ANKRD11: variants seen among roughly 807,000 people sequenced by gnomAD.
The protein encoded by ANKRD11 is ankyrin repeat domain-containing protein 11.
A neutral mutation model predicts 195.7 loss-of-function variants in ANKRD11; 17 were observed. The observed-to-expected ratio is 0.09, with a 90% CI of 0.06 to 0.13. The LOEUF is 0.13. Among genes scored for constraint, ANKRD11 ranks in the 10% least tolerant of loss-of-function variants. ANKRD11 has a pLI of 1.00. For missense variants in ANKRD11, 3,735 were observed against 3,566.1 expected (o/e 1.05, Z -1.21); for synonymous variants, 1,953 against 1,528.1 (o/e 1.28, Z -6.49).
Position 89,432,944 on chromosome 16 carries a change from A to ATCTCTCTC in ANKRD11, c.-144-14584_-144-14577dup, listed in dbSNP as rs56770747. On this transcript the variant is annotated intron_variant, in intron 1 of 12. Coordinates refer to ENST00000301030, the MANE Select transcript of ANKRD11 (RefSeq NM_013275.6). The stretch of plus-strand genomic sequence containing the variant: ...TCCAGCCATGGGTGACAGAGACCCT[A>ATCTCTCTC]TCTCTCTCTCTCTCTCTCTCTCTCT... Among the ~76,000 whole-genome samples the ATCTCTCTC allele has an allele frequency of 2.1e-3, 223 of 108,722 alleles. 2 individuals carry two copies. The highest frequency in any genetic ancestry group is 4.7e-3 in the African/African-American group (122 of 25,920). 71.3% of individuals were successfully genotyped at this position (108,722 alleles called of 152,430 possible). A position where few individuals can be genotyped will look rare whatever the true frequency, so the allele number is the denominator to read the frequency against.
chr16:89,352,103 T>C (rs994778711), intron 2 of ANKRD11, among the ~76,000 whole-genome samples: 1 of 151,462 alleles, frequency 6.6e-6, no homozygotes, highest in Non-Finnish European at 1.5e-5. Context: ...GTTGGTCAGA[T>C]TGGTCTCAAA....
rs189232746 is a variant in ANKRD11 at position 89,458,248 on chromosome 16, G to A, written c.-145+31997C>T. 7.7e-4 allele frequency among the ~76,000 whole-genome samples: 115 copies of A among 149,724 alleles called. 1 individual carries two copies. Among genetic ancestry groups the A allele is most frequent in the Middle Eastern group, 3.4e-3 (1 of 294 alleles). ...TTCATTTCTTTTTTTTTTTTGAGAC[G>A]GAATCTCACTGTGTCACCCAGGTTG... On this transcript the variant is annotated intron_variant, in intron 1 of 12. Coordinates refer to ENST00000301030, the MANE Select transcript of ANKRD11 (RefSeq NM_013275.6).
intron 2 of ANKRD11, among the ~76,000 whole-genome samples, chr16:89,326,832 A>AT (rs1403370948): frequency 6.6e-6 from 1 of 152,210 alleles, no homozygotes; most frequent in African/African-American, 2.4e-5. Context: ...CTCCTAAGAA[A>AT]GGGGCTTAAC....
At chr16:89,306,916 C>T (rs72803323) in intron 3 of ANKRD11, among the ~76,000 whole-genome samples, 3,985 of 152,082 alleles carry the variant, frequency 0.026, 76 homozygotes, top group East Asian at 0.04. Flanking sequence ...TCCGCAGACA[C>T]GTGCGCTACC....
chr16:89,448,809 G>C (rs138828097), intron 1 of ANKRD11, among the ~76,000 whole-genome samples: 1 of 152,104 alleles, frequency 6.6e-6, no homozygotes, highest in Non-Finnish European at 1.5e-5. Flanking sequence ...CCCGTCCACC[G>C]GAGCGCACGT....
intron 1 of ANKRD11, among the ~76,000 whole-genome samples, chr16:89,453,638 A>G (rs1285399364): frequency 6.6e-6 from 1 of 152,190 alleles, no homozygotes; most frequent in Non-Finnish European, 1.5e-5. Flanking sequence ...AAAAGCACAA[A>G]GCATCTGTTC....
At chr16:89,415,173 C>T (rs916760383) in intron 2 of ANKRD11, among the ~76,000 whole-genome samples, 1 of 151,402 alleles carries the variant, frequency 6.6e-6, no homozygotes, top group South Asian at 2.1e-4. Flanking sequence ...AGGCTGGTCT[C>T]GCACTCCTGA....
intron 7 of ANKRD11, 121 bp downstream of exon 7, chr16:89,288,384 AGCTCGGCCTTGAGGGTGGGCAAG>A: frequency 7.6e-7 from 1 of 1,315,642 alleles, no homozygotes; most frequent in Non-Finnish European, 1.1e-6. Context: ...CAGAGGGCAC[AGCTCGGCCTTGAGGGTGGGCAAG>A]GCGAAAACTC....
chr16:89,336,308 G>A (rs1297948021), intron 2 of ANKRD11, among the ~76,000 whole-genome samples: 2 of 152,214 alleles, frequency 1.3e-5, no homozygotes, highest in African/African-American at 2.4e-5. Context: ...ATGCACACAC[G>A]CCAGGGCACG....
chr16:89,470,452 A>G, intron 1 of ANKRD11, among the ~76,000 whole-genome samples: 1 of 152,176 alleles, frequency 6.6e-6, no homozygotes, highest in East Asian at 1.9e-4. Flanking sequence ...AGAGGCAGCC[A>G]TGGGTGTTTT....
intron 2 of ANKRD11, among the ~76,000 whole-genome samples, chr16:89,400,938 C>T (rs937126326): frequency 3.3e-5 from 5 of 152,194 alleles, no homozygotes; most frequent in Admixed American, 2.0e-4. Flanking sequence ...CCACCCTGCT[C>T]GGGTTCACAG....
At chr16:89,371,430 G>A (rs1437241185) in intron 2 of ANKRD11, among the ~76,000 whole-genome samples, 1 of 152,234 alleles carries the variant, frequency 6.6e-6, no homozygotes, top group Non-Finnish European at 1.5e-5. Context: ...GCTGCTCGGT[G>A]CATGGAGGCC....
intron 4 of ANKRD11, among the ~76,000 whole-genome samples, chr16:89,301,844 C>T (rs1010258694): frequency 2.0e-5 from 3 of 152,182 alleles, no homozygotes; most frequent in Non-Finnish European, 4.4e-5. Flanking sequence ...CACTGGACCG[C>T]GGGCAGGGCC....
At chr16:89,327,621 G>T (rs1398535208) in intron 2 of ANKRD11, among the ~76,000 whole-genome samples, 1 of 152,124 alleles carries the variant, frequency 6.6e-6, no homozygotes, top group Non-Finnish European at 1.5e-5. Context: ...ATTTCTGCAT[G>T]CTACCAATAA....
chr16:89,365,588 T>C (rs113558601), intron 2 of ANKRD11, among the ~76,000 whole-genome samples: 5 of 152,192 alleles, frequency 3.3e-5, no homozygotes, highest in Admixed American at 2.0e-4. Flanking sequence ...TGTGTATGCC[T>C]TAATAATTGA....
chr16:89,463,111 C>T (rs1417849758), intron 1 of ANKRD11, among the ~76,000 whole-genome samples: 2 of 151,632 alleles, frequency 1.3e-5, no homozygotes, highest in African/African-American at 2.4e-5. Flanking sequence ...CGCCTCTGCC[C>T]GGCCGCCCCT....
intron 2 of ANKRD11, among the ~76,000 whole-genome samples, chr16:89,397,335 G>A (rs528188026): frequency 1.3e-5 from 2 of 152,200 alleles, no homozygotes; most frequent in South Asian, 2.1e-4. Context: ...GGATTCCACC[G>A]TAAGTGCTGT....
At chr16:89,292,625 C>G (rs1332034864) in intron 4 of ANKRD11, among the ~76,000 whole-genome samples, 1 of 152,232 alleles carries the variant, frequency 6.6e-6, no homozygotes, top group Non-Finnish European at 1.5e-5. Context: ...GGCAAAACCC[C>G]AAGTACTGCA....
intron 2 of ANKRD11, among the ~76,000 whole-genome samples, chr16:89,409,522 G>A (rs959583458): frequency 1.3e-5 from 2 of 152,140 alleles, no homozygotes; most frequent in African/African-American, 4.8e-5. Context: ...CTTTTCACAA[G>A]AGCAGGAAAG....
Sources: allele counts gnomAD v4.1 joint callset (sites outside exome capture counted in the v4.1 genomes callset), GRCh38; gene constraint gnomAD v4.1.1; transcripts MANE v1.5; gene names NCBI Gene and HGNC (gene_info 2026-07-23, HGNC 2026-07-21).